The following TUBG2 variants were observed in gnomAD, a reference collection of about 807,000 sequenced individuals.
The protein encoded by TUBG2 is tubulin gamma-2 chain.
TUBG2 carries 39 observed loss-of-function variants against 55.1 expected under a neutral mutation model. The ratio of observed to expected loss-of-function variants is 0.71; its 90% confidence interval spans 0.55 to 0.93. The LOEUF is 0.93. Among genes scored for constraint, TUBG2 ranks in the 40% least tolerant of loss-of-function variants. The pLI, the probability that TUBG2 is intolerant of heterozygous loss-of-function variation, is 0.00. For missense variants in TUBG2, 358 were observed against 599.1 expected, an observed-to-expected ratio of 0.60 and a Z score of 4.20; for synonymous variants, 223 against 241.0, an observed-to-expected ratio of 0.93 and a Z score of 0.69.
intron 10 of TUBG2, 50 bp from the exon 11 acceptor site, chr17:42,666,553 T>C (rs752774517): frequency 3.2e-5 from 52 of 1,613,800 alleles, no homozygotes; most frequent in Non-Finnish European, 4.2e-5. Flanking sequence ...CTTCCCCAAG[T>C]TCACTCCTAA....
At chr17:42,664,505 C>T (rs1047109163) in intron 6 of TUBG2, among the ~76,000 whole-genome samples, 3 of 152,116 alleles carry the variant, frequency 2.0e-5, no homozygotes, top group African/African-American at 7.2e-5. Flanking sequence ...CCACGTATCC[C>T]ACCTTTGCCT....
chr17:42,660,566 C>G (rs2052359402), intron 3 of TUBG2, 73 bp from the exon 4 acceptor site: 1 of 1,452,756 alleles, frequency 6.9e-7, no homozygotes, highest in Non-Finnish European at 9.7e-7. Context: ...AGACAGAATT[C>G]TTGGTGCTGT....
At chr17:42,662,179 C>T (rs1382269723) in intron 4 of TUBG2, among the ~76,000 whole-genome samples, 2 of 151,958 alleles carry the variant, frequency 1.3e-5, no homozygotes, top group Non-Finnish European at 2.9e-5. Context: ...GTGGTACATG[C>T]CTATAGTCCA....
intron 2 of TUBG2, 23 bp from the exon 3 acceptor site, chr17:42,660,126 C>G (rs1300594803): frequency 6.6e-7 from 1 of 1,520,112 alleles, no homozygotes; most frequent in East Asian, 2.3e-5. Context: ...TGATTGGGCC[C>G]CCTCCTGGAC....
chr17:42,666,859 G>C lies in TUBG2; in HGVS notation c.*59G>C. On this transcript the variant is annotated 3_prime_UTR_variant, in exon 11 of 11. Coordinates refer to ENST00000251412, the MANE Select transcript of TUBG2 (RefSeq NM_016437.3). ...GGTAACCACAGCCTCGACCATGCCT[G>C]CTCCCTCTGACCCAGCTTCACCTCA... 1 of 1,584,836 alleles carries C rather than the reference G, an allele frequency of 6.3e-7. No homozygotes were observed. The highest frequency in any genetic ancestry group is 2.2e-5 in the East Asian group (1 of 44,520).
intron 6 of TUBG2, 123 bp from the exon 7 acceptor site, chr17:42,665,352 AC>A: frequency 1.5e-6 from 2 of 1,313,998 alleles, no homozygotes; most frequent in Non-Finnish European, 2.0e-6. Flanking sequence ...CGGCCTCAGT[AC>A]TTTTTTTTTT....
chr17:42,659,767 G>A (rs1170127692), intron 1 of TUBG2, 67 bp from the exon 2 acceptor site: 11 of 1,592,026 alleles, frequency 6.9e-6, no homozygotes, highest in Middle Eastern at 1.7e-4. Context: ...GTCAGCCTCT[G>A]AGACTAAAAC....
At chr17:42,662,120 C>T (rs963473341) in intron 4 of TUBG2, among the ~76,000 whole-genome samples, 1 of 152,180 alleles carries the variant, frequency 6.6e-6, no homozygotes, top group South Asian at 2.1e-4. Flanking sequence ...GCCTGGGCAA[C>T]ATGGTGAAAC....
rs1197164337 is a variant in TUBG2 at position 42,665,537 on chromosome 17, C to G, written c.668C>G (p.Pro223Arg). 7 of 1,614,016 alleles carry G rather than the reference C, an allele frequency of 4.3e-6. No individual in the cohort carries two copies. Among genetic ancestry groups the G allele is most frequent in the Non-Finnish European group, 5.9e-6 (7 of 1,180,028 alleles). The change falls in exon 7 of 11, where the codon CCG (proline) becomes CGG (arginine). Residue 223 changes from proline (P) to arginine (R), a missense_variant. Physicochemically the swap from Pro to Arg is moderately radical, Grantham distance 103. Around this residue, in one of 8 missense-constraint regions of TUBG2, gnomAD observed 52 missense variants for 53.8 expected, o/e 0.97. Transcript: ENST00000251412. ...ACAGACCGCCTGCACATCCAGAACC[C>G]GTCCTTCTCCCAGATCAACCAGCTG... ...IATDRLHIQN[P>R]SFSQINQLVS... is the part of the protein sequence containing the mutation.
In TUBG2 at chr17:42,659,441, G is replaced by A. The variant is rs2143511121; in HGVS notation, c.-63G>A. On this transcript the variant is annotated 5_prime_UTR_variant, in exon 1 of 11. Transcript: ENST00000251412. ...CCCACGTCCTGCGCTCCTGGCTGCC[G>A]GGCATTCGTCTCAGCCGTGACTCTC... The A allele has an allele frequency of 2.0e-6, 3 of 1,506,366 alleles. No individual in the cohort carries two copies. Among genetic ancestry groups the A allele is most frequent in the Non-Finnish European group, 2.7e-6 (3 of 1,121,336 alleles). The allele number at this position is 1,506,366 out of a possible 1,614,324, so 93.3% of individuals were successfully genotyped here.
At position 42,659,940 on chromosome 17, in the gene TUBG2, C is replaced by T. The variant is rs758704777; in HGVS notation, c.156C>T (p.Phe52=). Residue 52 remains phenylalanine (F), a synonymous_variant, in exon 2 of 11, where the codon TTC becomes TTT. Coordinates refer to ENST00000251412, the MANE Select transcript of TUBG2 (RefSeq NM_016437.3). Reference sequence around the variant, plus strand: ...GCACTGACCGCAAGGACGTCTTTTTCTACCAGGTGCCCCCAGCGACTTGGC... The same window carrying T: ...GCACTGACCGCAAGGACGTCTTTTTTTACCAGGTGCCCCCAGCGACTTGGC... ...TEGTDRKDVF[F]YQADDEHYIP... The T allele has an allele frequency of 6.2e-6, 10 of 1,605,822 alleles. No homozygotes were observed. The highest frequency in any genetic ancestry group is 1.1e-5 in the South Asian group (1 of 90,694).
At chr17:42,660,819 C>T (rs1054820200) in intron 4 of TUBG2, 112 bp downstream of exon 4, 12 of 817,224 alleles carry the variant, frequency 1.5e-5, no homozygotes, top group African/African-American at 1.2e-4. Flanking sequence ...ATTCAAAACC[C>T]GTTTATGGAG....
chr17:42,659,383 A>G lies in TUBG2; in HGVS notation c.-121A>G. 2 of 1,054,380 alleles carry G rather than the reference A, an allele frequency of 1.9e-6. No homozygotes were observed. Among genetic ancestry groups the G allele is most frequent in the Non-Finnish European group, 2.7e-6 (2 of 748,730 alleles). 65.3% of individuals were successfully genotyped at this position (1,054,380 alleles called of 1,614,324 possible). A position where few individuals can be genotyped will look rare whatever the true frequency, so the allele number is the denominator to read the frequency against. On this transcript the variant is annotated 5_prime_UTR_variant, in exon 1 of 11. Coordinates refer to ENST00000251412, the MANE Select transcript of TUBG2 (RefSeq NM_016437.3). ...TGCGCTGCACACGCGCAGACCGAGCATCCGCGTCAAGAGGCGAAGAGAGCG... is the reference window on the plus strand; with the variant it reads ...TGCGCTGCACACGCGCAGACCGAGCGTCCGCGTCAAGAGGCGAAGAGAGCG...
Position 42,666,259 on chromosome 17 carries a change from C to A in TUBG2, c.996+20C>A, listed in dbSNP as rs753858422. The A allele has an allele frequency of 1.2e-6, 2 of 1,614,066 alleles. No homozygotes were observed. The highest frequency in any genetic ancestry group is 1.7e-6 in the Non-Finnish European group (2 of 1,179,914). On this transcript the variant is annotated intron_variant, in intron 9 of 10. Transcript: ENST00000251412. ...ACCCAGGTAGGGGAGGCCCCTTCAT[C>A]CCGCGCCCTGGACCTGCAGGGGTAG...
At position 42,666,883 on chromosome 17, in the gene TUBG2, C is replaced by A; in HGVS notation, c.*83C>A. ...TGCTCCCTCTGACCCAGCTTCACCT[C>A]ATGGACAACCCTTCTTGGTTCATCT... is the stretch of plus-strand genomic sequence containing the variant. On this transcript the variant is annotated 3_prime_UTR_variant, in exon 11 of 11. Transcript: ENST00000251412. 1 of 1,461,048 alleles carries A rather than the reference C, an allele frequency of 6.8e-7. No individual in the cohort carries two copies. Among genetic ancestry groups the A allele is most frequent in the Non-Finnish European group, 9.5e-7 (1 of 1,057,684 alleles). The allele number at this position is 1,461,048 out of a possible 1,614,324, so 90.5% of individuals were successfully genotyped here.
chr17:42,666,942 C>T lies in TUBG2; in HGVS notation c.*142C>T, dbSNP rs1356499129. On this transcript the variant is annotated 3_prime_UTR_variant, in exon 11 of 11. Transcript: ENST00000251412. ...TGAGCTGGTCCTGCTTCCTCCCTTCCATGCCCTAACTTTTAATATGCTTGT... is the reference window on the plus strand; with the variant it reads ...TGAGCTGGTCCTGCTTCCTCCCTTCTATGCCCTAACTTTTAATATGCTTGT... 1.3e-6 allele frequency: 1 copy of T among 789,198 alleles called. No homozygotes were observed. Among genetic ancestry groups the T allele is most frequent in the African/African-American group, 1.7e-5 (1 of 57,686 alleles). 48.9% of individuals were successfully genotyped at this position (789,198 alleles called of 1,614,324 possible). A position where few individuals can be genotyped will look rare whatever the true frequency, so the allele number is the denominator to read the frequency against.
intron 6 of TUBG2, among the ~76,000 whole-genome samples, chr17:42,664,093 G>C (rs1349814491): frequency 6.6e-6 from 1 of 151,692 alleles, no homozygotes; most frequent in Non-Finnish European, 1.5e-5. Flanking sequence ...GTGACAGAGC[G>C]AGACTCTGCC....
rs1169695088 is a variant in TUBG2, at chr17:42,666,687, A to C, written c.1243A>C (p.Lys415Gln). 6.2e-7 allele frequency: 1 copy of C among 1,614,156 alleles called. No homozygotes were observed. The highest frequency in any genetic ancestry group is 1.3e-5 in the African/African-American group (1 of 75,034). Reference protein sequence around the residue: ...LEQFRKEDMFKDNFDEMDRSR... With the variant: ...LEQFRKEDMFQDNFDEMDRSR... ...GCAGTTCCGTAAGGAGGACATGTTC[A>C]AGGACAACTTTGATGAGATGGACAG... Residue 415 changes from lysine (K) to glutamine (Q), a missense_variant, in exon 11 of 11, where the codon AAG (lysine) becomes CAG (glutamine). Lys to Gln is a moderately conservative substitution (Grantham distance 53). This residue lies in a region of TUBG2 where 54 missense variants were observed against 50.2 expected (regional missense o/e 1.08). Coordinates refer to ENST00000251412, the MANE Select transcript of TUBG2 (RefSeq NM_016437.3).
At chr17:42,665,403 G>C in intron 6 of TUBG2, 73 bp from the exon 7 acceptor site, 1 of 1,606,208 alleles carries the variant, frequency 6.2e-7, no homozygotes, top group Non-Finnish European at 8.5e-7. Context: ...GAGTTCAGCA[G>C]GGGCTAAGCC....
Sources: allele counts gnomAD v4.1 joint callset (sites outside exome capture counted in the v4.1 genomes callset), GRCh38; gene constraint gnomAD v4.1.1; regional missense constraint gnomAD v4.1.1; transcripts MANE v1.5; gene names NCBI Gene and HGNC (gene_info 2026-07-23, HGNC 2026-07-21).